The following CEMIP2 variants were observed in gnomAD, a reference collection of about 807,000 sequenced individuals.
CEMIP2 encodes the protein cell surface hyaluronidase CEMIP2.
CEMIP2 carries 79 observed loss-of-function variants against 146.9 expected under a neutral mutation model. The ratio of observed to expected loss-of-function variants is 0.54; its 90% CI spans 0.45 to 0.65. The LOEUF is 0.65. Ranked by LOEUF, CEMIP2 falls within the 30% of genes least tolerant of loss-of-function variation. CEMIP2 has a pLI of 0.00. For missense variants in CEMIP2, 1,596 were observed against 1,696.2 expected (o/e 0.94, Z 1.04); for synonymous variants, 601 against 606.3 (o/e 0.99, Z 0.13).
chr9:71,686,005 C>G lies in CEMIP2; in HGVS notation c.3852-159G>C, dbSNP rs935645864. 8 of 608,634 alleles carry G rather than the reference C, an allele frequency of 1.3e-5. No homozygotes were observed. The African/African-American group carries it at 1.5e-4, about 11-fold the overall frequency. 37.7% of individuals were successfully genotyped at this position (608,634 alleles called of 1,614,324 possible). ...TAGATGATTTTCCATCCAATTCCCA[C>G]TCTTCCACCCCACCACCATGGGCTT... On this transcript the variant is annotated intron_variant, in intron 22 of 23. Transcript: ENST00000377044.
At chr9:71,709,562 G>T in intron 16 of CEMIP2, 88 bp from the exon 17 acceptor site, 1 of 1,112,492 alleles carries the variant, frequency 9.0e-7, no homozygotes, top group Non-Finnish European at 1.3e-6. Context: ...CAGGTCCATT[G>T]TGATTGCTTT....
At chr9:71,745,651 T>C (rs1824066904) in intron 3 of CEMIP2, 72 bp from the exon 4 acceptor site, 1 of 1,418,200 alleles carries the variant, frequency 7.1e-7, no homozygotes, top group African/African-American at 1.4e-5. Context: ...AGATTTCACC[T>C]TAAGTTAAAT....
chr9:71,716,744 G>A (rs1403257056), intron 13 of CEMIP2, among the ~76,000 whole-genome samples, 192 bp from the exon 14 acceptor site: 1 of 152,092 alleles, frequency 6.6e-6, no homozygotes. Context: ...TTCAAATCCG[G>A]GCTTTGTCAA....
Position 71,685,368 on chromosome 9 carries a change from A to G in CEMIP2, c.3981T>C (p.Ser1327=). The change falls in exon 24 of 24, where the codon AGT becomes AGC. Residue 1327 remains serine (S), a synonymous_variant. Transcript: ENST00000377044. ...TAGTCCATGATGGTTTAAAGTTTCC[A>G]CTGAATCCCAAAAATATGGTACTCC... ...DKGSTIFLGF[S]GNFKPSWTKL... 1 of 1,546,014 alleles carries G rather than the reference A, an allele frequency of 6.5e-7. No homozygotes were observed. The highest frequency in any genetic ancestry group is 1.5e-5 in the African/African-American group (1 of 68,852).
chr9:71,709,410 T>A lies in CEMIP2; in HGVS notation c.2834A>T (p.Asp945Val), dbSNP rs757085364. The change falls in exon 17 of 24, where the codon GAT becomes GTT. Residue 945 changes from aspartate (D) to valine (V), a missense_variant. Physicochemically the swap from Asp to Val is radical, Grantham distance 152. Transcript: ENST00000377044. ...AATGTCATGGAATATGGAGTTCTTA[T>A]CACCATCCATCTCACAATCTTCAAA... ...PWFEDCEMDG[D>V]KNSIFHDIDG... is the part of the protein sequence containing the mutation. 1.2e-6 allele frequency: 2 copies of A among 1,614,032 alleles called. No individual in the cohort carries two copies. The highest frequency in any genetic ancestry group is 2.7e-5 in the African/African-American group (2 of 74,916).
Position 71,728,293 on chromosome 9 carries a change from A to ATGTG in CEMIP2, c.2049+1551_2049+1552insCACA, listed in dbSNP as rs1554684773. Among the ~76,000 whole-genome samples the ATGTG allele has an allele frequency of 5.1e-5, 2 of 39,560 alleles. 1 individual carries two copies. Among genetic ancestry groups the ATGTG allele is most frequent in the African/African-American group, 1.9e-4 (2 of 10,642 alleles). 26.0% of individuals were successfully genotyped at this position (39,560 alleles called of 152,430 possible). Reference sequence around the variant, plus strand: ...TATATATATATATGTATATATATATATATATATACATATATATATATATAC... The same window carrying ATGTG: ...TATATATATATATGTATATATATATATGTGTATATATACATATATATATATATAC... On this transcript the variant is annotated intron_variant, in intron 10 of 23. Transcript: ENST00000377044.
intron 10 of CEMIP2, among the ~76,000 whole-genome samples, chr9:71,728,815 T>TTTTGTG (rs1554684961): frequency 9.4e-5 from 14 of 148,312 alleles, no homozygotes; most frequent in African/African-American, 3.2e-4. Context: ...TGTGGGGTTT[T>TTTTGTG]TGTGTGTGTG....
intron 8 of CEMIP2, 136 bp from the exon 9 acceptor site, chr9:71,730,389 A>G: frequency 2.4e-6 from 2 of 845,396 alleles, no homozygotes; most frequent in East Asian, 2.7e-5. Context: ...GCAAAGTGAA[A>G]TGTCAGGCTT....
chr9:71,745,680 C>A (rs762820507), intron 3 of CEMIP2, 101 bp from the exon 4 acceptor site: 8 of 1,192,422 alleles, frequency 6.7e-6, no homozygotes, highest in South Asian at 3.3e-5. Flanking sequence ...GCAATTAGGT[C>A]GGAAAAAAGA....
intron 21 of CEMIP2, among the ~76,000 whole-genome samples, chr9:71,692,212 A>G (rs558753515): frequency 3.3e-5 from 5 of 151,844 alleles, no homozygotes; most frequent in Admixed American, 2.6e-4. Flanking sequence ...GGGGATAAAT[A>G]TGACTTTTCT....
At chr9:71,723,079 T>C (rs1184698090) in intron 11 of CEMIP2, among the ~76,000 whole-genome samples, 2 of 130,300 alleles carry the variant, frequency 1.5e-5, no homozygotes, top group Non-Finnish European at 3.2e-5. Flanking sequence ...AGAAAATAAC[T>C]CAAGGGAATA....
chr9:71,728,320 T>TACAC (rs1741143952), intron 10 of CEMIP2, among the ~76,000 whole-genome samples: 1 of 66,334 alleles, frequency 1.5e-5, no homozygotes, highest in African/African-American at 6.9e-5. Context: ...TATATATACG[T>TACAC]ATATATATAT....
At chr9:71,760,910 A>C (rs1325058446) in intron 1 of CEMIP2, among the ~76,000 whole-genome samples, 1 of 152,146 alleles carries the variant, frequency 6.6e-6, no homozygotes, top group Non-Finnish European at 1.5e-5. Context: ...TTTCCTATTA[A>C]TATTTCTCAT....
At chr9:71,695,251 T>C (rs748486858) in intron 20 of CEMIP2, among the ~76,000 whole-genome samples, 8 of 152,140 alleles carry the variant, frequency 5.3e-5, no homozygotes, top group African/African-American at 7.2e-5. Context: ...TCCTCCAAAT[T>C]ACTCCCAGTC....
rs530917358 is a variant in CEMIP2, at chr9:71,714,449, G to A, written c.2591+485C>T. Among the ~76,000 whole-genome samples the A allele has an allele frequency of 2.0e-5, 3 of 152,224 alleles. No individual in the cohort carries two copies. In the East Asian group the frequency reaches 5.8e-4, roughly 29 times the overall value. On this transcript the variant is annotated intron_variant, in intron 15 of 23. Coordinates refer to ENST00000377044, the MANE Select transcript of CEMIP2 (RefSeq NM_013390.3). ...CTGCCATTAATTAGACAGCTGTGGT[G>A]GGGTTTTGAGTTAACTTTGGCATCA...
chr9:71,688,047 G>C (rs924876578), intron 22 of CEMIP2, among the ~76,000 whole-genome samples: 1 of 152,084 alleles, frequency 6.6e-6, no homozygotes, highest in African/African-American at 2.4e-5. Flanking sequence ...CATAGAGACA[G>C]GGTCTCATTA....
intron 4 of CEMIP2, among the ~76,000 whole-genome samples, chr9:71,743,407 G>A (rs1180894420): frequency 6.6e-6 from 1 of 151,988 alleles, no homozygotes; most frequent in Non-Finnish European, 1.5e-5. Context: ...GCACTTTTTT[G>A]CATGTGTATC....
intron 1 of CEMIP2, among the ~76,000 whole-genome samples, chr9:71,767,885 A>AGC (rs1824845557): frequency 6.6e-6 from 1 of 152,174 alleles, no homozygotes; most frequent in African/African-American, 2.4e-5. Flanking sequence ...CAAACGCACA[A>AGC]GCGCGCGCGC....
chr9:71,702,396 C>T lies in CEMIP2; in HGVS notation c.3195-1572G>A, dbSNP rs976876861. On this transcript the variant is annotated intron_variant, in intron 18 of 23. Transcript: ENST00000377044. ...AATTATTGTCTATAATAGCAAAATG[C>T]GGGGGGGCGGGCAGGAGAAACAACC... 1.2e-4 allele frequency among the ~76,000 whole-genome samples: 17 copies of T among 143,126 alleles called. No homozygotes were observed. The East Asian group carries it at 1.4e-3, about 12-fold the overall frequency. 93.9% of individuals were successfully genotyped at this position (143,126 alleles called of 152,430 possible).
Sources: allele counts gnomAD v4.1 joint callset (sites outside exome capture counted in the v4.1 genomes callset), GRCh38; gene constraint gnomAD v4.1.1; transcripts MANE v1.5; gene names NCBI Gene and HGNC (gene_info 2026-07-23, HGNC 2026-07-21).